The following RAB11FIP1 variants were observed in gnomAD, a reference collection of about 807,000 sequenced individuals.
RAB11FIP1 encodes the protein RAB11 family interacting protein 1, also known as rab11 family-interacting protein 1.
In RAB11FIP1, 49 loss-of-function variants were observed where a neutral mutation model predicts 83.1. The observed-to-expected ratio is 0.59, with a 90% confidence interval of 0.47 to 0.75. RAB11FIP1 has a LOEUF of 0.75. Ranked by LOEUF, RAB11FIP1 falls within the 30% of genes least tolerant of loss-of-function variation. The probability of loss-of-function intolerance (pLI) is 0.00; values close to 1 mark genes in which losing one functional copy is unlikely to be tolerated. For missense variants in RAB11FIP1, 1,536 were observed against 1,598.7 expected, an observed-to-expected ratio of 0.96 and a Z score of 0.67; for synonymous variants, 670 against 656.0, an observed-to-expected ratio of 1.02 and a Z score of -0.33.
At chr8:37,865,572 A>G (rs925817061) in intron 5 of RAB11FIP1, among the ~76,000 whole-genome samples, 6 of 152,046 alleles carry the variant, frequency 3.9e-5, no homozygotes, top group Non-Finnish European at 1.5e-5. Flanking sequence ...CACCTGCCTC[A>G]GCCTCCCAAA....
At position 37,863,021 on chromosome 8, in the gene RAB11FIP1, G is replaced by A; in HGVS notation, c.3726C>T (p.Ser1242=). 6.2e-7 allele frequency: 1 copy of A among 1,613,614 alleles called. No individual in the cohort carries two copies. The highest frequency in any genetic ancestry group is 8.5e-7 in the Non-Finnish European group (1 of 1,180,006). Residue 1242 remains serine (S), a synonymous_variant, in exon 6 of 6, where the codon AGC becomes AGT. Transcript: ENST00000330843. ...GCTCGCGGACCTGGAACTCCTTCTT[G>A]CTTATCGTTTCCTTCTGTTTGAGGA... The part of the protein sequence containing the change: ...QLVLKQKETI[S]KKEFQVRELE...
At chr8:37,867,823 AATC>A (rs1396660248) in intron 5 of RAB11FIP1, among the ~76,000 whole-genome samples, 3 of 152,200 alleles carry the variant, frequency 2.0e-5, no homozygotes, top group African/African-American at 4.8e-5. Flanking sequence ...TGTTTTCAGC[AATC>A]ATCAGTTATG....
At chr8:37,884,466 C>G (rs956225083) in intron 1 of RAB11FIP1, among the ~76,000 whole-genome samples, 1 of 152,100 alleles carries the variant, frequency 6.6e-6, no homozygotes, top group Non-Finnish European at 1.5e-5. Context: ...TAGCTCACAG[C>G]AGCTTCAAAG....
chr8:37,882,029 T>C lies in RAB11FIP1; in HGVS notation c.372-4478A>G, dbSNP rs553113560. On this transcript the variant is annotated intron_variant, in intron 1 of 5. Transcript: ENST00000330843. Reference sequence around the variant, plus strand: ...CAGGCACCTGAAAAGGAGAAGTTGCTGAACGCTAACTGAGGAGGTTTCGAT... The same window carrying C: ...CAGGCACCTGAAAAGGAGAAGTTGCCGAACGCTAACTGAGGAGGTTTCGAT... Among the ~76,000 whole-genome samples the C allele has an allele frequency of 4.6e-5, 7 of 152,298 alleles. No homozygotes were observed. In the South Asian group the frequency reaches 1.5e-3, roughly 32 times the overall value.
In RAB11FIP1 at chr8:37,877,433, CTT is replaced by C; in HGVS notation, c.488_489del (p.Lys163ArgfsTer19). The C allele has an allele frequency of 1.2e-6, 2 of 1,614,126 alleles. No individual in the cohort carries two copies. Among genetic ancestry groups the C allele is most frequent in the Non-Finnish European group, 1.7e-6 (2 of 1,180,016 alleles). On this transcript the variant is annotated frameshift_variant, in exon 2 of 6. Coordinates refer to ENST00000330843, the MANE Select transcript of RAB11FIP1 (RefSeq NM_001002814.3). LOFTEE classifies it high-confidence loss of function. ...TTTCCAAATGGATTCCGAGACTTGT[CTT>C]TCATAGAAAGGTCAAACATGCTGGC... ...MTASMFDLSM[K>X]DKSRNPFGKL...
At position 37,874,923 on chromosome 8, in the gene RAB11FIP1, C is replaced by A; in HGVS notation, c.1214G>T (p.Ser405Ile). The A allele has an allele frequency of 6.2e-7, 1 of 1,614,186 alleles. No homozygotes were observed. The highest frequency in any genetic ancestry group is 8.5e-7 in the Non-Finnish European group (1 of 1,180,034). The change falls in exon 3 of 6, where the codon AGT (serine) becomes ATT (isoleucine). Residue 405 changes from serine (S) to isoleucine (I), a missense_variant. By Grantham distance (142) the Ser-to-Ile change is moderately radical (BLOSUM62 -2). Coordinates refer to ENST00000330843, the MANE Select transcript of RAB11FIP1 (RefSeq NM_001002814.3). Reference sequence around the variant, plus strand: ...GGCCATGTTTTCCCTGAGGTCCCCACTGACCAGTGGGGCAGGTCGGTAGGA... The same window carrying A: ...GGCCATGTTTTCCCTGAGGTCCCCAATGACCAGTGGGGCAGGTCGGTAGGA... Reference protein sequence around the residue: ...LPSYRPAPLVSGDLRENMAPA... With the variant: ...LPSYRPAPLVIGDLRENMAPA...
rs139267069 is a variant in RAB11FIP1 at position 37,899,329 on chromosome 8, G to C, written c.113C>G (p.Thr38Arg). 882 of 1,609,090 alleles carry C rather than the reference G, an allele frequency of 5.5e-4. No homozygotes were observed. The highest frequency in any genetic ancestry group is 7.1e-4 in the Non-Finnish European group (836 of 1,178,604). The change falls in exon 1 of 6, where the codon ACG (threonine) becomes AGG (arginine). Residue 38 changes from threonine (T) to arginine (R), a missense_variant. Transcript: ENST00000330843. The surrounding 1 kb of genome is among the most constrained non-coding windows in gnomAD (Gnocchi z 4.5). ...RGLRAKGPGG[T>R]SDAYAVIQVG... The stretch of plus-strand genomic sequence containing the variant: ...CTGGATCACCGCGTACGCGTCGCTC[G>C]TGCCCCCGGGGCCCTTGGCCCGCAG...
rs1806566765 is a variant in RAB11FIP1 at position 37,874,717 on chromosome 8, C to T, written c.1420G>A (p.Glu474Lys). 1 of 1,614,070 alleles carries T rather than the reference C, an allele frequency of 6.2e-7. No homozygotes were observed. Among genetic ancestry groups the T allele is most frequent in the Non-Finnish European group, 8.5e-7 (1 of 1,180,042 alleles). ...EGMLMGVKPG[E>K]DASGPAEDLV... is the part of the protein sequence containing the mutation. ...TCTTCAGCAGGCCCCGATGCGTCCT[C>T]CCCCGGCTTAACCCCCATCAGCATG... Residue 474 changes from glutamate to lysine, a missense_variant, in exon 3 of 6, where the codon GAG becomes AAG. By Grantham distance (56) the Glu-to-Lys change is moderately conservative. Transcript: ENST00000330843.
intron 1 of RAB11FIP1, among the ~76,000 whole-genome samples, chr8:37,885,793 C>A (rs1046388585): frequency 1.3e-5 from 2 of 152,190 alleles, no homozygotes; most frequent in Admixed American, 6.5e-5. Context: ...TTCAGTCCTT[C>A]TGGAACAGCT....
rs980686081 is a variant in RAB11FIP1, at chr8:37,899,331, G to C, written c.111C>G (p.Gly37=). Reference sequence around the variant, plus strand: ...GGATCACCGCGTACGCGTCGCTCGTGCCCCCGGGGCCCTTGGCCCGCAGGC... The same window carrying C: ...GGATCACCGCGTACGCGTCGCTCGTCCCCCCGGGGCCCTTGGCCCGCAGGC... ...ARGLRAKGPG[G]TSDAYAVIQV... is the part of the protein sequence containing the mutation. The change falls in exon 1 of 6, where the codon GGC becomes GGG. Residue 37 remains glycine, a synonymous_variant. Transcript: ENST00000330843. This position sits in a 1 kb window ranked among gnomAD's most constrained non-coding sequence, Gnocchi z 4.5. 30 of 1,608,742 alleles carry C rather than the reference G, an allele frequency of 1.9e-5. No homozygotes were observed. The highest frequency in any genetic ancestry group is 1.2e-4 in the Admixed American group (7 of 59,834).
chr8:37,887,532 A>T (rs1429325380), intron 1 of RAB11FIP1, among the ~76,000 whole-genome samples: 1 of 144,786 alleles, frequency 6.9e-6, no homozygotes, highest in Non-Finnish European at 1.5e-5. Flanking sequence ...CGCCATCTCA[A>T]AAAAAAAAAA....
At chr8:37,898,800 C>T (rs1390230846) in intron 1 of RAB11FIP1, among the ~76,000 whole-genome samples, 1 of 146,066 alleles carries the variant, frequency 6.8e-6, no homozygotes, top group Non-Finnish European at 1.5e-5. Context: ...CACTCCAGCC[C>T]GGGCGACAGA....
rs148745763 is a variant in RAB11FIP1 at position 37,872,251 on chromosome 8, C to T, written c.2551G>A (p.Gly851Arg). ...GCGTGGGGAGACTCAGGAGGCTCTC[C>T]GTCAGACGCGTTTCCAGCAACAGAC... ...AWSVAGNASD[G>R]EPPESPHAED... Residue 851 changes from glycine (G) to arginine (R), a missense_variant, in exon 4 of 6, where the codon GGA becomes AGA. Gly to Arg is a moderately radical substitution (Grantham distance 125). Transcript: ENST00000330843. 175 of 1,613,886 alleles carry T rather than the reference C, an allele frequency of 1.1e-4. No homozygotes were observed. In the African/African-American group the frequency reaches 1.5e-3, roughly 14 times the overall value.
chr8:37,875,547 G>T (rs1323508019), intron 2 of RAB11FIP1, among the ~76,000 whole-genome samples: 1 of 152,144 alleles, frequency 6.6e-6, no homozygotes, highest in Non-Finnish European at 1.5e-5. Flanking sequence ...TGTCCACAGT[G>T]CTGAGGTTGA....
At position 37,875,307 on chromosome 8, in the gene RAB11FIP1, C is replaced by A; in HGVS notation, c.830G>T (p.Arg277Ile). 2.5e-6 allele frequency: 4 copies of A among 1,610,770 alleles called. No individual in the cohort carries two copies. The highest frequency in any genetic ancestry group is 3.4e-6 in the Non-Finnish European group (4 of 1,178,620). The change falls in exon 3 of 6, where the codon AGA becomes ATA. Residue 277 changes from arginine to isoleucine, a missense_variant. Transcript: ENST00000330843. ...SSASDVMSHK[R>I]TASTDLKQLN... ...TTGCTTAAGATCCGTACTCGCTGTT[C>A]TCTTGTGAGACATGACTTTGGGAAG... is the stretch of plus-strand genomic sequence containing the variant.
chr8:37,886,704 C>A (rs1208918537), intron 1 of RAB11FIP1, among the ~76,000 whole-genome samples: 1 of 152,166 alleles, frequency 6.6e-6, no homozygotes, highest in Non-Finnish European at 1.5e-5. Context: ...AACAGAACCA[C>A]CCCTGACCTA....
Position 37,875,192 on chromosome 8 carries a change from A to G in RAB11FIP1, c.945T>C (p.Ser315=). 1 of 1,614,156 alleles carries G rather than the reference A, an allele frequency of 6.2e-7. No homozygotes were observed. The highest frequency in any genetic ancestry group is 8.5e-7 in the Non-Finnish European group (1 of 1,180,016). The stretch of plus-strand genomic sequence containing the variant: ...CATGGTTCCCATTGATGCAGACATT[A>G]GAGCGGGAAAGGACATCATTCTTAG... ...LRSKNDVLSR[S]NVCINGNHVY... The change falls in exon 3 of 6, where the codon TCT becomes TCC. Residue 315 remains serine (S), a synonymous_variant. Coordinates refer to ENST00000330843, the MANE Select transcript of RAB11FIP1 (RefSeq NM_001002814.3).
At chr8:37,874,412 G>C (rs1806554107) in intron 3 of RAB11FIP1, 103 bp downstream of exon 3, 1 of 884,128 alleles carries the variant, frequency 1.1e-6, no homozygotes. Flanking sequence ...GGCATATATG[G>C]GTACTATGAT....
At chr8:37,874,010 G>C (rs1042940110) in intron 3 of RAB11FIP1, among the ~76,000 whole-genome samples, 15 of 152,186 alleles carry the variant, frequency 9.9e-5, no homozygotes, top group African/African-American at 3.6e-4. Context: ...AGTCCCCAAG[G>C]CTTATGCCGG....
Sources: allele counts gnomAD v4.1 joint callset (sites outside exome capture counted in the v4.1 genomes callset), GRCh38; gene constraint gnomAD v4.1.1; non-coding constraint Gnocchi (gnomAD v3.1); transcripts MANE v1.5; gene names NCBI Gene and HGNC (gene_info 2026-07-23, HGNC 2026-07-21).